Variants in CNIH3 observed in about 807,000 individuals in gnomAD.
The protein encoded by CNIH3 is cornichon family AMPA receptor auxiliary protein 3.
Under a neutral mutation model 24.1 loss-of-function variants are expected in CNIH3, and 14 were observed. The ratio of observed to expected loss-of-function variants is 0.58; its 90% CI spans 0.38 to 0.91. The LOEUF is 0.91. Among genes scored for constraint, CNIH3 ranks in the 40% least tolerant of loss-of-function variants. The pLI, the probability that CNIH3 is intolerant of heterozygous loss-of-function variation, is 0.00. For synonymous variants in CNIH3, 68 were observed against 73.8 expected (o/e 0.92, Z 0.40); for missense variants, 178 against 196.8 (o/e 0.90, Z 0.57).
intron 4 of CNIH3, among the ~76,000 whole-genome samples, chr1:224,576,471 C>T (rs994327737): frequency 1.3e-5 from 2 of 152,110 alleles, no homozygotes; most frequent in African/African-American, 4.8e-5. Flanking sequence ...AAATAACATG[C>T]TTGTCTTGCT....
intron 4 of CNIH3, among the ~76,000 whole-genome samples, chr1:224,571,133 C>T (rs1680800593): frequency 6.6e-6 from 1 of 152,178 alleles, no homozygotes; most frequent in Non-Finnish European, 1.5e-5. Flanking sequence ...GTCTTATTCT[C>T]CTTTGAGTGT....
intron 5 of CNIH3, among the ~76,000 whole-genome samples, chr1:224,736,483 G>C (rs1689598478): frequency 4.6e-5 from 7 of 152,188 alleles, no homozygotes; most frequent in African/African-American, 1.7e-4. Context: ...CAAAGTGTGG[G>C]GTAAGGAAGG....
chr1:224,725,581 G>C (rs1688980306), intron 3 of CNIH3, among the ~76,000 whole-genome samples: 1 of 152,190 alleles, frequency 6.6e-6, no homozygotes, highest in South Asian at 2.1e-4. Context: ...CTCAGTGCCA[G>C]GAGCTTCCCT....
intron 3 of CNIH3, among the ~76,000 whole-genome samples, chr1:224,602,459 T>C (rs758766128): frequency 1.3e-5 from 2 of 152,238 alleles, no homozygotes; most frequent in Non-Finnish European, 2.9e-5. Flanking sequence ...GTTTTTGTCA[T>C]TGATATTTAC....
chr1:224,608,280 T>G (rs1482971462), intron 3 of CNIH3, among the ~76,000 whole-genome samples: 4 of 152,154 alleles, frequency 2.6e-5, no homozygotes, highest in Admixed American at 2.0e-4. Flanking sequence ...GGGAGTTGCA[T>G]CCCTTCTCCC....
At chr1:224,438,933 T>C (rs1355473445) in intron 1 of CNIH3, among the ~76,000 whole-genome samples, 3 of 152,210 alleles carry the variant, frequency 2.0e-5, no homozygotes, top group African/African-American at 4.8e-5. Context: ...TCCCTCTTCA[T>C]TTAGAAAGGA....
downstream of CNIH3, among the ~76,000 whole-genome samples, chr1:224,590,306 G>C (rs1681697870): frequency 6.6e-6 from 1 of 152,164 alleles, no homozygotes; most frequent in African/African-American, 2.4e-5. Context: ...TTGGCTTATT[G>C]GTTCCTTTGG....
chr1:224,690,998 A>C (rs1250618182), intron 3 of CNIH3, among the ~76,000 whole-genome samples: 4 of 152,222 alleles, frequency 2.6e-5, no homozygotes, highest in Admixed American at 2.6e-4. Flanking sequence ...GCCTGAACCC[A>C]CTGCACAAAT....
chr1:224,545,149 C>T (rs142475944), intron 2 of CNIH3, among the ~76,000 whole-genome samples: 174 of 152,326 alleles, frequency 1.1e-3, no homozygotes, highest in African/African-American at 4.0e-3. Flanking sequence ...TATGTACAAA[C>T]GTATGTGTGT....
intron 1 of CNIH3, among the ~76,000 whole-genome samples, chr1:224,484,349 G>A (rs1021721681): frequency 3.3e-5 from 5 of 151,536 alleles, no homozygotes; most frequent in East Asian, 1.9e-4. Flanking sequence ...AGAATGGCAC[G>A]AACCTGGGAG....
At chr1:224,714,305 G>T (rs1295223020) in intron 3 of CNIH3, among the ~76,000 whole-genome samples, 1 of 152,120 alleles carries the variant, frequency 6.6e-6, no homozygotes, top group Non-Finnish European at 1.5e-5. Flanking sequence ...ATATTCCTTT[G>T]TAAGACCCCA....
intron 1 of CNIH3, among the ~76,000 whole-genome samples, chr1:224,640,687 G>A (rs534359077): frequency 4.2e-4 from 64 of 152,196 alleles, no homozygotes; most frequent in African/African-American, 1.5e-3. Flanking sequence ...GCCCTTCACC[G>A]GCTCTCTGGC....
In CNIH3 at chr1:224,508,355, A is replaced by G. The variant is rs1678000865; in HGVS notation, n.204-7386A>G. On this transcript the variant is annotated intron_variant and non_coding_transcript_variant, in intron 1 of 5. Coordinates refer to the CNIH3 transcript ENST00000471578. ...GGCATTTGAAGGGGCAGGCTTTCCC[A>G]GTAAAGACAGAAATATTCGGACTAG... 1.3e-5 allele frequency among the ~76,000 whole-genome samples: 2 copies of G among 152,218 alleles called. 1 individual carries two copies. The highest frequency in any genetic ancestry group is 4.1e-4 in the South Asian group (2 of 4,836).
chr1:224,622,509 C>T (rs145078255), intron 1 of CNIH3, among the ~76,000 whole-genome samples: 223 of 152,306 alleles, frequency 1.5e-3, no homozygotes, highest in African/African-American at 4.4e-3. Flanking sequence ...AGAAAGCTTA[C>T]GTCATCATTG....
intron 4 of CNIH3, among the ~76,000 whole-genome samples, chr1:224,581,432 C>T (rs1337994755): frequency 2.0e-5 from 3 of 152,134 alleles, no homozygotes; most frequent in African/African-American, 7.2e-5. Context: ...TTTTCCTTTC[C>T]TGTTTCTTTT....
rs139583724 is a variant in CNIH3 at position 224,661,793 on chromosome 1, G to T, written c.82-19165G>T. 4.1e-3 allele frequency: 892 copies of T among 219,940 alleles called. 14 individuals carry two copies. Among genetic ancestry groups the T allele is most frequent in the African/African-American group, 0.019 (836 of 42,972 alleles). The allele number at this position is 219,940 out of a possible 1,614,324, so 13.6% of individuals were successfully genotyped here. ...GCTTTATTCTCAGGATTTTTATCTT[G>T]GTGCCACTTCAGTGCCAGTTTCTGA... On this transcript the variant is annotated intron_variant, in intron 1 of 5. Coordinates refer to ENST00000272133, the MANE Select transcript of CNIH3 (RefSeq NM_152495.2).
At chr1:224,660,270 AAG>A (rs1336200851) in intron 1 of CNIH3, among the ~76,000 whole-genome samples, 3 of 152,168 alleles carry the variant, frequency 2.0e-5, no homozygotes, top group Non-Finnish European at 2.9e-5. Context: ...ACAGCAGGCA[AAG>A]AGAGATCAGA....
intron 1 of CNIH3, among the ~76,000 whole-genome samples, chr1:224,449,836 C>A (rs1218314611): frequency 1.3e-5 from 2 of 152,138 alleles, no homozygotes; most frequent in Non-Finnish European, 2.9e-5. Flanking sequence ...TCCCTCAAGT[C>A]CCTCACCTGT....
chr1:224,597,520 A>G (rs1313478414), intron 3 of CNIH3, among the ~76,000 whole-genome samples: 1 of 152,184 alleles, frequency 6.6e-6, no homozygotes, highest in East Asian at 1.9e-4. Flanking sequence ...TGTTTCAGTC[A>G]TGCCTACCCA....
Sources: allele counts gnomAD v4.1 joint callset (sites outside exome capture counted in the v4.1 genomes callset), GRCh38; gene constraint gnomAD v4.1.1; transcripts MANE v1.5; gene names NCBI Gene and HGNC (gene_info 2026-07-23, HGNC 2026-07-21).